Variants in SLC9A9 observed in about 807,000 individuals in gnomAD.
SLC9A9 encodes sodium/hydrogen exchanger 9.
SLC9A9 carries 62 observed loss-of-function variants against 77.8 expected under a neutral mutation model. The observed-to-expected ratio is 0.80, with a 90% CI of 0.65 to 0.98. SLC9A9 has a LOEUF of 0.98. Among genes scored for constraint, SLC9A9 ranks in the 50% least tolerant of loss-of-function variants. SLC9A9 has a pLI of 0.00. For synonymous variants in SLC9A9, 320 were observed against 283.5 expected (o/e 1.13, Z -1.29); for missense variants, 775 against 774.9 (o/e 1.00, Z 0.00).
chr3:143,642,879 T>C lies in SLC9A9; in HGVS notation c.755+9376A>G, dbSNP rs927493779. ...CTTTTCATTTTGAAAAGTTCTTTTT[T>C]TCCTATTATACCATTCTTTTCTAAT... is the stretch of plus-strand genomic sequence containing the variant. On this transcript the variant is annotated intron_variant, in intron 6 of 15. Coordinates refer to ENST00000316549, the MANE Select transcript of SLC9A9 (RefSeq NM_173653.4). 4.6e-5 allele frequency among the ~76,000 whole-genome samples: 7 copies of C among 152,308 alleles called. 1 individual carries two copies. The highest frequency in any genetic ancestry group is 6.5e-5 in the Admixed American group (1 of 15,298).
At chr3:143,369,439 G>A (rs542868953) in intron 13 of SLC9A9, among the ~76,000 whole-genome samples, 5 of 152,204 alleles carry the variant, frequency 3.3e-5, no homozygotes, top group African/African-American at 1.2e-4. Context: ...GCACTGTGGG[G>A]TGAATATAGT....
chr3:143,693,398 A>C, intron 4 of SLC9A9, 91 bp from the exon 5 acceptor site: 1 of 1,028,290 alleles, frequency 9.7e-7, no homozygotes, highest in Non-Finnish European at 1.5e-6. Flanking sequence ...GTTTTTCCTG[A>C]ATACGTATCA....
chr3:143,283,104 A>T (rs1024897084), intron 14 of SLC9A9, among the ~76,000 whole-genome samples: 10 of 152,250 alleles, frequency 6.6e-5, no homozygotes, highest in African/African-American at 1.9e-4. Flanking sequence ...CTTAATGCCC[A>T]GTAGGCAGAA....
chr3:143,640,852 A>AAAAAC (rs2038609485), intron 6 of SLC9A9, among the ~76,000 whole-genome samples: 1 of 152,192 alleles, frequency 6.6e-6, no homozygotes. Context: ...ACCTTGTCTC[A>AAAAAC]AAAACAAAAC....
In SLC9A9 at chr3:143,423,888, T is replaced by C. The variant is rs1445962780; in HGVS notation, c.1470-41774A>G. On this transcript the variant is annotated intron_variant, in intron 12 of 15. Coordinates refer to ENST00000316549, the MANE Select transcript of SLC9A9 (RefSeq NM_173653.4). Reference sequence around the variant, plus strand: ...AGAAGAATGCAGCACTGCTTCTGTTTTTCCTGTCAGCAATGTACAGTCTGA... The same window carrying C: ...AGAAGAATGCAGCACTGCTTCTGTTCTTCCTGTCAGCAATGTACAGTCTGA... 2.0e-5 allele frequency among the ~76,000 whole-genome samples: 3 copies of C among 152,236 alleles called. No homozygotes were observed. In the East Asian group the frequency reaches 5.8e-4, roughly 29 times the overall value.
At chr3:143,606,665 T>A (rs532043034) in intron 6 of SLC9A9, among the ~76,000 whole-genome samples, 2 of 151,210 alleles carry the variant, frequency 1.3e-5, no homozygotes, top group Admixed American at 6.6e-5. Context: ...AGAATTAAAA[T>A]CTAGAGTGTA....
intron 12 of SLC9A9, among the ~76,000 whole-genome samples, chr3:143,461,090 T>C (rs1441884742): frequency 6.6e-6 from 1 of 152,152 alleles, no homozygotes; most frequent in East Asian, 1.9e-4. Flanking sequence ...CTACAAAATA[T>C]AATACAATCA....
At chr3:143,651,870 C>G (rs545499522) in intron 6 of SLC9A9, among the ~76,000 whole-genome samples, 5 of 152,346 alleles carry the variant, frequency 3.3e-5, no homozygotes, top group African/African-American at 1.2e-4. Flanking sequence ...ATCTGCCAAT[C>G]TGCCCATAAA....
intron 9 of SLC9A9, among the ~76,000 whole-genome samples, chr3:143,550,077 A>AG (rs1312683535): frequency 4.6e-5 from 7 of 152,166 alleles, no homozygotes; most frequent in Non-Finnish European, 8.8e-5. Flanking sequence ...GCAGAGGGGA[A>AG]GGGTGACCTC....
chr3:143,618,876 C>T (rs1018732348), intron 6 of SLC9A9, among the ~76,000 whole-genome samples: 1 of 152,178 alleles, frequency 6.6e-6, no homozygotes, highest in African/African-American at 2.4e-5. Context: ...TAGTGAAAGA[C>T]TCAGAGGGTT....
At chr3:143,291,533 AC>A (rs1403600172) in intron 14 of SLC9A9, among the ~76,000 whole-genome samples, 2 of 152,144 alleles carry the variant, frequency 1.3e-5, no homozygotes, top group Non-Finnish European at 2.9e-5. Flanking sequence ...CCCGAAGGGG[AC>A]AGTCAGGGGG....
rs1355646527 is a variant in SLC9A9, at chr3:143,410,065, C to T, written c.1470-27951G>A. Reference sequence around the variant, plus strand: ...ATAATAAAGCCCATTTGAAGAAATGCGGACTTTGTCTCTTTCTACCCCTTA... The same window carrying T: ...ATAATAAAGCCCATTTGAAGAAATGTGGACTTTGTCTCTTTCTACCCCTTA... On this transcript the variant is annotated intron_variant, in intron 12 of 15. Transcript: ENST00000316549. Among the ~76,000 whole-genome samples, 7 of 152,162 alleles carry T rather than the reference C, an allele frequency of 4.6e-5. No individual in the cohort carries two copies. In the East Asian group the frequency reaches 5.8e-4, roughly 13 times the overall value.
At chr3:143,683,216 C>T (rs140730870) in intron 5 of SLC9A9, among the ~76,000 whole-genome samples, 51 of 152,206 alleles carry the variant, frequency 3.4e-4, no homozygotes, top group Non-Finnish European at 5.9e-4. Context: ...GATTGTGTGA[C>T]TTCTAATATG....
chr3:143,789,327 T>C (rs150341154), intron 4 of SLC9A9, among the ~76,000 whole-genome samples: 31 of 152,286 alleles, frequency 2.0e-4, no homozygotes, highest in Middle Eastern at 3.4e-3. Flanking sequence ...TTGAAAAACA[T>C]ACTAATTCTG....
intron 5 of SLC9A9, among the ~76,000 whole-genome samples, chr3:143,673,623 T>A (rs1423718276): frequency 1.3e-5 from 2 of 151,902 alleles, no homozygotes; most frequent in East Asian, 3.9e-4. Flanking sequence ...TTATTAATTA[T>A]ATTGTTAATT....
chr3:143,633,522 T>C (rs945637598), intron 6 of SLC9A9, among the ~76,000 whole-genome samples: 2 of 152,204 alleles, frequency 1.3e-5, no homozygotes, highest in African/African-American at 4.8e-5. Context: ...TAGCACAGTA[T>C]ATTTAATCTT....
At chr3:143,500,217 T>A (rs1440204145) in intron 9 of SLC9A9, among the ~76,000 whole-genome samples, 1 of 152,190 alleles carries the variant, frequency 6.6e-6, no homozygotes, top group East Asian at 1.9e-4. Context: ...GAAAGTTATG[T>A]TTTTCAAAGA....
At chr3:143,756,883 C>T (rs1364542165) in intron 4 of SLC9A9, among the ~76,000 whole-genome samples, 1 of 152,144 alleles carries the variant, frequency 6.6e-6, no homozygotes, top group African/African-American at 2.4e-5. Flanking sequence ...TAGTTCTACT[C>T]CTCTTAATTG....
chr3:143,333,556 C>G (rs1403866947), intron 14 of SLC9A9, among the ~76,000 whole-genome samples: 1 of 152,216 alleles, frequency 6.6e-6, no homozygotes, highest in Non-Finnish European at 1.5e-5. Flanking sequence ...AGCCAGCAGG[C>G]TGCTTCCTGA....
Sources: gnomAD v4.1 joint callset for allele counts (sites outside exome capture counted in the v4.1 genomes callset) on GRCh38, gnomAD v4.1.1 for gene constraint, MANE v1.5 for transcripts, NCBI Gene and HGNC (gene_info 2026-07-23, HGNC 2026-07-21) for gene names.